The following COL6A6 variants were observed in gnomAD, a reference collection of about 807,000 sequenced individuals.
COL6A6 encodes the protein collagen type VI alpha 6 chain, also known as collagen alpha-6(VI) chain.
A neutral mutation model predicts 208.6 loss-of-function variants in COL6A6; 183 were observed. The ratio of observed to expected loss-of-function variants is 0.88; its 90% confidence interval spans 0.78 to 0.99. The LOEUF (loss-of-function observed/expected upper bound fraction) is 0.99. Ranked by LOEUF, COL6A6 falls within the 50% of genes least tolerant of loss-of-function variation. The probability of loss-of-function intolerance (pLI) is 0.00; values close to 1 mark genes in which losing one functional copy is unlikely to be tolerated. For synonymous variants in COL6A6, 973 were observed against 1,011.8 expected (o/e 0.96, Z 0.73); for missense variants, 2,816 against 2,815.2 (o/e 1.00, Z -0.01).
intron 26 of COL6A6, among the ~76,000 whole-genome samples, chr3:130,628,344 T>A (rs2064952949): frequency 6.6e-6 from 1 of 152,322 alleles, no homozygotes; most frequent in South Asian, 2.1e-4. Context: ...AAGTTTATAA[T>A]TATGTAAATA....
At chr3:130,520,107 C>T (rs1025121896) in intron 1 of COL6A6, among the ~76,000 whole-genome samples, 2 of 152,136 alleles carry the variant, frequency 1.3e-5, no homozygotes, top group African/African-American at 2.4e-5. Flanking sequence ...TAGGCTTTAG[C>T]ATTTGAGGAG....
intron 1 of COL6A6, among the ~76,000 whole-genome samples, chr3:130,541,454 G>A (rs958469237): frequency 7.9e-5 from 12 of 152,228 alleles, no homozygotes; most frequent in African/African-American, 2.4e-4. Flanking sequence ...AAACATCCAT[G>A]TGCAGGTTTT....
intron 18 of COL6A6, among the ~76,000 whole-genome samples, chr3:130,597,017 T>A (rs2108112559): frequency 6.6e-6 from 1 of 152,346 alleles, no homozygotes; most frequent in Middle Eastern, 3.4e-3. Flanking sequence ...ACTGTCTGTA[T>A]GCAATTTGGG....
At chr3:130,530,388 A>G (rs1255194846) in intron 1 of COL6A6, among the ~76,000 whole-genome samples, 1 of 152,178 alleles carries the variant, frequency 6.6e-6, no homozygotes, top group African/African-American at 2.4e-5. Flanking sequence ...GAAAATTTAC[A>G]TCGCCTTTCT....
In COL6A6 at chr3:130,603,052, A is replaced by C. The variant is rs72994360; in HGVS notation, c.4653+3242A>C. 9.5e-4 allele frequency among the ~76,000 whole-genome samples: 144 copies of C among 152,308 alleles called. 1 individual carries two copies. The highest frequency in any genetic ancestry group is 3.3e-3 in the African/African-American group (137 of 41,570). On this transcript the variant is annotated intron_variant, in intron 20 of 36. Transcript: ENST00000358511. ...TGATTGGAGGATGGCCAGTGGTAGG[A>C]GTGGCATGCGGGGAAATAAACAGCA...
chr3:130,585,207 G>C (rs1009063052), intron 10 of COL6A6, among the ~76,000 whole-genome samples: 2 of 152,142 alleles, frequency 1.3e-5, no homozygotes, highest in Non-Finnish European at 2.9e-5. Flanking sequence ...GAAGCTAAAC[G>C]TATTTGATTT....
At chr3:130,629,884 G>T (rs2064990351) in intron 26 of COL6A6, among the ~76,000 whole-genome samples, 1 of 31,550 alleles carries the variant, frequency 3.2e-5, no homozygotes, top group Non-Finnish European at 4.3e-5. Flanking sequence ...CCCTAAAAGA[G>T]CTCCTGAAGG....
chr3:130,651,056 C>G (rs2065627794), intron 33 of COL6A6, among the ~76,000 whole-genome samples: 1 of 152,190 alleles, frequency 6.6e-6, no homozygotes, highest in East Asian at 1.9e-4. Flanking sequence ...AAGCAGAAAG[C>G]ACCTGGTTCC....
intron 33 of COL6A6, 105 bp from the exon 34 acceptor site, chr3:130,658,571 G>A (rs2065857972): frequency 1.4e-6 from 1 of 728,506 alleles, no homozygotes; most frequent in Non-Finnish European, 2.4e-6. Context: ...TACCTTCTTA[G>A]AAGGAGCAGT....
chr3:130,642,886 C>T lies in COL6A6; in HGVS notation c.5190+19C>T. 6.2e-7 allele frequency: 1 copy of T among 1,613,692 alleles called. No individual in the cohort carries two copies. The highest frequency in any genetic ancestry group is 8.5e-7 in the Non-Finnish European group (1 of 1,179,602). On this transcript the variant is annotated intron_variant, in intron 30 of 36. Coordinates refer to ENST00000358511, the MANE Select transcript of COL6A6 (RefSeq NM_001102608.3). ...ATTTTCTGTACGTATCTCCCGACTA[C>T]AACAGAGTGCTCTGAGTGCTCCATT... is the stretch of plus-strand genomic sequence containing the variant.
At chr3:130,542,269 TG>T (rs1251970224) in intron 1 of COL6A6, among the ~76,000 whole-genome samples, 1 of 152,168 alleles carries the variant, frequency 6.6e-6, no homozygotes, top group Non-Finnish European at 1.5e-5. Flanking sequence ...TTTAATTTCT[TG>T]TTTTTTTCTT....
rs1275900387 is a variant in COL6A6 at position 130,570,839 on chromosome 3, T to C, written c.2423T>C (p.Leu808Ser). 6.2e-6 allele frequency: 10 copies of C among 1,612,566 alleles called. No homozygotes were observed. The highest frequency in any genetic ancestry group is 8.5e-6 in the Non-Finnish European group (10 of 1,179,066). Residue 808 changes from leucine (L) to serine (S), a missense_variant, in exon 7 of 37, where the codon TTA (leucine) becomes TCA (serine). By Grantham distance (145) the Leu-to-Ser change is moderately radical. Transcript: ENST00000358511. ...PREECKRIEV[L>S]DVVFVIDSSG... is the part of the protein sequence containing the mutation. Reference sequence around the variant, plus strand: ...TCAGAATGCAAGCGGATTGAAGTTTTAGACGTTGTGTTTGTCATTGATAGC... The same window carrying C: ...TCAGAATGCAAGCGGATTGAAGTTTCAGACGTTGTGTTTGTCATTGATAGC...
At chr3:130,536,073 TC>T (rs1477878193) in intron 1 of COL6A6, among the ~76,000 whole-genome samples, 1 of 152,220 alleles carries the variant, frequency 6.6e-6, no homozygotes, top group Non-Finnish European at 1.5e-5. Flanking sequence ...AGCCAAATTT[TC>T]TATTTTTGAT....
At chr3:130,552,569 A>T (rs1370085093) in intron 1 of COL6A6, among the ~76,000 whole-genome samples, 1 of 152,122 alleles carries the variant, frequency 6.6e-6, no homozygotes, top group African/African-American at 2.4e-5. Flanking sequence ...GCATACTATT[A>T]GGTTGGATTA....
intron 1 of COL6A6, among the ~76,000 whole-genome samples, chr3:130,554,433 G>A (rs1306893773): frequency 6.6e-6 from 1 of 152,168 alleles, no homozygotes; most frequent in South Asian, 2.1e-4. Flanking sequence ...TTCTGTACAC[G>A]TTCACACTGG....
chr3:130,563,918 T>C (rs1184137549), intron 3 of COL6A6, among the ~76,000 whole-genome samples: 1 of 152,216 alleles, frequency 6.6e-6, no homozygotes, highest in Non-Finnish European at 1.5e-5. Flanking sequence ...TTAGGGATGC[T>C]TTCTCCCTGC....
At chr3:130,563,034 T>G in intron 2 of COL6A6, 34 bp from the exon 3 acceptor site, 1 of 1,491,316 alleles carries the variant, frequency 6.7e-7, no homozygotes. Flanking sequence ...TTTTTTAAAG[T>G]TTTTGGTTCG....
intron 32 of COL6A6, among the ~76,000 whole-genome samples, chr3:130,645,285 T>C (rs1392024607): frequency 6.6e-6 from 1 of 152,200 alleles, no homozygotes; most frequent in East Asian, 1.9e-4. Context: ...ACCTTGCTTT[T>C]AAAGGTTTTA....
At position 130,562,734 on chromosome 3, in the gene COL6A6, T is replaced by C. The variant is rs76983697; in HGVS notation, c.65-334T>C. 9.3e-3 allele frequency among the ~76,000 whole-genome samples: 1,409 copies of C among 152,320 alleles called. 24 individuals carry two copies. The highest frequency in any genetic ancestry group is 0.031 in the African/African-American group (1,279 of 41,564). On this transcript the variant is annotated intron_variant, in intron 2 of 36. Transcript: ENST00000358511. Reference sequence around the variant, plus strand: ...ACAAGAGGAAATTATCCACAAAAGGTATAAAACCCATGATTTTTTATTTCT... The same window carrying C: ...ACAAGAGGAAATTATCCACAAAAGGCATAAAACCCATGATTTTTTATTTCT...
Sources: gnomAD v4.1 joint callset for allele counts (sites outside exome capture counted in the v4.1 genomes callset) on GRCh38, gnomAD v4.1.1 for gene constraint, MANE v1.5 for transcripts, NCBI Gene and HGNC (gene_info 2026-07-23, HGNC 2026-07-21) for gene names.